The following CCSER1 variants were observed in gnomAD, a reference collection of about 807,000 sequenced individuals.
CCSER1 encodes the protein serine-rich coiled-coil domain-containing protein 1.
CCSER1 carries 41 observed loss-of-function variants against 82.0 expected under a neutral mutation model. The ratio of observed to expected loss-of-function variants is 0.50; its 90% CI spans 0.39 to 0.65. The LOEUF is 0.65. Among genes scored for constraint, CCSER1 ranks in the 30% least tolerant of loss-of-function variants. The pLI is 0.00. For synonymous variants in CCSER1, 414 were observed against 383.9 expected (o/e 1.08, Z -0.92); for missense variants, 1,119 against 1,064.2 (o/e 1.05, Z -0.72).
At chr4:90,456,702 G>T (rs1438229246) in intron 4 of CCSER1, among the ~76,000 whole-genome samples, 1 of 152,222 alleles carries the variant, frequency 6.6e-6, no homozygotes, top group Non-Finnish European at 1.5e-5. Context: ...CAGCAGCTAT[G>T]CTAGTCACTT....
chr4:91,221,388 G>A (rs1737730103), intron 10 of CCSER1, among the ~76,000 whole-genome samples: 1 of 152,054 alleles, frequency 6.6e-6, no homozygotes, highest in Non-Finnish European at 1.5e-5. Flanking sequence ...GCTGTGCATA[G>A]TTAGTAACTC....
At chr4:90,431,138 T>A (rs1413541615) in intron 4 of CCSER1, among the ~76,000 whole-genome samples, 1 of 152,040 alleles carries the variant, frequency 6.6e-6, no homozygotes, top group East Asian at 1.9e-4. Flanking sequence ...TGGCTCTATC[T>A]TTATTTAGAC....
intron 3 of CCSER1, among the ~76,000 whole-genome samples, chr4:90,378,847 A>G (rs1318702895): frequency 6.6e-6 from 1 of 152,194 alleles, no homozygotes; most frequent in Admixed American, 6.5e-5. Context: ...ATGAGTTTAT[A>G]TTATTAATGT....
chr4:91,391,117 A>C (rs1751622665), intron 10 of CCSER1, among the ~76,000 whole-genome samples: 1 of 151,716 alleles, frequency 6.6e-6, no homozygotes, highest in Admixed American at 6.6e-5. Flanking sequence ...TTAGGATTTA[A>C]TTTATTAAGG....
chr4:91,165,617 C>A (rs1274006807), intron 10 of CCSER1, among the ~76,000 whole-genome samples: 1 of 152,202 alleles, frequency 6.6e-6, no homozygotes, highest in East Asian at 1.9e-4. Flanking sequence ...CTTTGTTTAC[C>A]TACTCAAGCC....
At chr4:90,660,330 T>A in intron 6 of CCSER1, among the ~76,000 whole-genome samples, 1 of 152,000 alleles carries the variant, frequency 6.6e-6, no homozygotes, top group East Asian at 1.9e-4. Context: ...TATCTATGCA[T>A]CATGGAATAC....
At chr4:90,503,224 G>A (rs1015596482) in intron 5 of CCSER1, among the ~76,000 whole-genome samples, 2 of 152,106 alleles carry the variant, frequency 1.3e-5, no homozygotes, top group Non-Finnish European at 2.9e-5. Flanking sequence ...GGCTAGAACA[G>A]TCATTTTTGA....
At chr4:91,497,236 G>A (rs1217938805) in intron 10 of CCSER1, among the ~76,000 whole-genome samples, 6 of 151,312 alleles carry the variant, frequency 4.0e-5, no homozygotes, top group Non-Finnish European at 7.4e-5. Context: ...CTCATGAAGC[G>A]GTTTTGAAAA....
At chr4:90,403,362 A>ACG (rs1753183131) in intron 4 of CCSER1, among the ~76,000 whole-genome samples, 1 of 150,422 alleles carries the variant, frequency 6.6e-6, no homozygotes, top group Non-Finnish European at 1.5e-5. Flanking sequence ...AGCCGGGCGT[A>ACG]GTGGCGGGCG....
intron 10 of CCSER1, among the ~76,000 whole-genome samples, chr4:91,144,628 T>A (rs1026980214): frequency 6.6e-6 from 1 of 151,920 alleles, no homozygotes; most frequent in East Asian, 1.9e-4. Flanking sequence ...AGCTTTTTTT[T>A]AATGCATTCT....
intron 6 of CCSER1, among the ~76,000 whole-genome samples, chr4:90,683,349 C>A (rs929087670): frequency 6.6e-6 from 1 of 151,976 alleles, no homozygotes; most frequent in African/African-American, 2.4e-5. Flanking sequence ...AATATCCTGT[C>A]TTAAAGAGCT....
chr4:91,115,307 G>C (rs1726451111), intron 10 of CCSER1, among the ~76,000 whole-genome samples: 1 of 152,022 alleles, frequency 6.6e-6, no homozygotes, highest in Non-Finnish European at 1.5e-5. Context: ...TATCAGAAAA[G>C]AACATCAAAT....
rs552559967 is a variant in CCSER1 at position 90,823,149 on chromosome 4, T to C, written c.2094+7304T>C. ...AAAACATGTCGGTAATGAGAGACTCTTTCCTAAGAAGATTTTTTTGTGGGT... is the reference window on the plus strand; with the variant it reads ...AAAACATGTCGGTAATGAGAGACTCCTTCCTAAGAAGATTTTTTTGTGGGT... On this transcript the variant is annotated intron_variant, in intron 8 of 10. Coordinates refer to ENST00000509176, the MANE Select transcript of CCSER1 (RefSeq NM_001145065.2). Among the ~76,000 whole-genome samples the C allele has an allele frequency of 3.4e-4, 51 of 149,668 alleles. No homozygotes were observed. In the East Asian group the frequency reaches 9.2e-3, roughly 27 times the overall value.
rs149656981 is a variant in CCSER1 at position 91,361,822 on chromosome 4, T to A, written c.2218-236750T>A. 2.0e-5 allele frequency among the ~76,000 whole-genome samples: 3 copies of A among 151,956 alleles called. No homozygotes were observed. In the East Asian group the frequency reaches 5.8e-4, roughly 29 times the overall value. On this transcript the variant is annotated intron_variant, in intron 10 of 10. Transcript: ENST00000509176. ...CCTAACTATGGCCTAACTACTGTAC[T>A]AGACAACTTTCCTGCTTTTGTGGAC...
intron 9 of CCSER1, among the ~76,000 whole-genome samples, chr4:91,078,001 C>T (rs1352174136): frequency 6.6e-6 from 1 of 152,234 alleles, no homozygotes; most frequent in Non-Finnish European, 1.5e-5. Flanking sequence ...CCTCTGTAGA[C>T]TCCACCTCTA....
Position 91,277,245 on chromosome 4 carries a change from G to A in CCSER1, c.2217+191251G>A, listed in dbSNP as rs933253512. ...TTGGTATAAGTTCTTAGAAAGTTTC[G>A]TACATTTCACCAGTGAAGCTATTGG... On this transcript the variant is annotated intron_variant, in intron 10 of 10. Coordinates refer to ENST00000509176, the MANE Select transcript of CCSER1 (RefSeq NM_001145065.2). 5.9e-5 allele frequency among the ~76,000 whole-genome samples: 9 copies of A among 151,768 alleles called. No individual in the cohort carries two copies. In the South Asian group the frequency reaches 6.2e-4, roughly 10 times the overall value.
intron 10 of CCSER1, among the ~76,000 whole-genome samples, chr4:91,144,386 C>T (rs1483652682): frequency 6.6e-6 from 1 of 151,704 alleles, no homozygotes; most frequent in African/African-American, 2.4e-5. Flanking sequence ...TTCTATAGAC[C>T]TCATTTATTC....
At chr4:90,618,268 T>C (rs1721667573) in intron 5 of CCSER1, among the ~76,000 whole-genome samples, 1 of 152,022 alleles carries the variant, frequency 6.6e-6, no homozygotes, top group Non-Finnish European at 1.5e-5. Flanking sequence ...GCCAATACTT[T>C]TAGGTATTAC....
intron 1 of CCSER1, among the ~76,000 whole-genome samples, chr4:90,152,831 C>T (rs1476447497): frequency 6.7e-6 from 1 of 150,250 alleles, no homozygotes; most frequent in Non-Finnish European, 1.5e-5. Flanking sequence ...CCAGCATGCT[C>T]AGAGTTGCTT....
Sources: allele counts gnomAD v4.1 joint callset (sites outside exome capture counted in the v4.1 genomes callset), GRCh38; gene constraint gnomAD v4.1.1; transcripts MANE v1.5; gene names NCBI Gene and HGNC (gene_info 2026-07-23, HGNC 2026-07-21).